The following TMEM144 variants were observed in gnomAD, a reference collection of about 807,000 sequenced individuals.
TMEM144 encodes the protein transmembrane protein 144.
TMEM144 carries 39 observed loss-of-function variants against 43.6 expected under a neutral mutation model. That is an observed-to-expected ratio of 0.90 (90% CI 0.69 to 1.17). TMEM144 has a LOEUF of 1.17. Among genes scored for constraint, TMEM144 ranks in the 50% most tolerant of loss-of-function variants. The pLI is 0.00. For missense variants in TMEM144, 417 were observed against 411.9 expected (o/e 1.01, Z -0.11); for synonymous variants, 154 against 133.6 (o/e 1.15, Z -1.06).
chr4:158,251,708 A>C (rs1278509560), intron 12 of TMEM144, among the ~76,000 whole-genome samples: 1 of 152,202 alleles, frequency 6.6e-6, no homozygotes, highest in African/African-American at 2.4e-5. Context: ...TATTTGGTGT[A>C]AAAATGAGTG....
At chr4:158,215,136 C>T in intron 3 of TMEM144, 55 bp from the exon 4 acceptor site, 1 of 1,608,466 alleles carries the variant, frequency 6.2e-7, no homozygotes, top group Non-Finnish European at 8.5e-7. Context: ...TATTCCTGAG[C>T]ACAAATTTAC....
intron 7 of TMEM144, 87 bp from the exon 8 acceptor site, chr4:158,235,351 G>A: frequency 1.5e-6 from 2 of 1,364,688 alleles, no homozygotes; most frequent in African/African-American, 2.9e-5. Context: ...GTTTGAAAGA[G>A]AAGAGAAAAG....
chr4:158,245,946 A>T (rs554182811), intron 12 of TMEM144, among the ~76,000 whole-genome samples: 1 of 152,152 alleles, frequency 6.6e-6, no homozygotes, highest in East Asian at 1.9e-4. Flanking sequence ...AGAAAAAGAA[A>T]AAAAAAGAAA....
At chr4:158,251,387 A>G (rs1374337473) in intron 12 of TMEM144, among the ~76,000 whole-genome samples, 2 of 152,302 alleles carry the variant, frequency 1.3e-5, no homozygotes, top group East Asian at 3.9e-4. Flanking sequence ...TTCCTCCCAC[A>G]TCAAGCCTTA....
At chr4:158,218,404 T>C (rs567719352) in intron 5 of TMEM144, among the ~76,000 whole-genome samples, 1 of 152,256 alleles carries the variant, frequency 6.6e-6, no homozygotes, top group Non-Finnish European at 1.5e-5. Context: ...CCCTTTCCAC[T>C]CAAAGCATTA....
intron 2 of TMEM144, chr4:158,212,025 A>T (rs925923467): frequency 6.6e-6 from 1 of 152,218 alleles, no homozygotes; most frequent in Non-Finnish European, 1.5e-5. Flanking sequence ...TTTGCAGGAA[A>T]AAAGAAACCA....
chr4:158,212,380 A>C (rs957371864), intron 2 of TMEM144, among the ~76,000 whole-genome samples: 4 of 152,206 alleles, frequency 2.6e-5, no homozygotes, highest in Non-Finnish European at 5.9e-5. Flanking sequence ...AATGTACTAA[A>C]AATTTGTCTT....
chr4:158,214,588 C>G (rs1464119348), intron 3 of TMEM144, among the ~76,000 whole-genome samples: 1 of 152,180 alleles, frequency 6.6e-6, no homozygotes, highest in Non-Finnish European at 1.5e-5. Flanking sequence ...AATGGCAACT[C>G]AAAGTATAGA....
At chr4:158,253,332 G>A (rs73860323) in intron 12 of TMEM144, 112 bp from the exon 13 acceptor site, 10,498 of 818,272 alleles carry the variant, frequency 0.013, 321 homozygotes, top group African/African-American at 0.087. Flanking sequence ...AGCAAAAAAG[G>A]GTACAGGCGG....
rs546522708 is a variant in TMEM144 at position 158,251,740 on chromosome 4, G to T, written c.955-1704G>T. On this transcript the variant is annotated intron_variant, in intron 12 of 12. Coordinates refer to ENST00000296529, the MANE Select transcript of TMEM144 (RefSeq NM_018342.5). Reference sequence around the variant, plus strand: ...AGTGACACCACAGTTCTGAGAAATTGTTACCTTTTTCCAGGAATCTTCATG... The same window carrying T: ...AGTGACACCACAGTTCTGAGAAATTTTTACCTTTTTCCAGGAATCTTCATG... 2.6e-5 allele frequency among the ~76,000 whole-genome samples: 4 copies of T among 151,440 alleles called. No individual in the cohort carries two copies. In the East Asian group the frequency reaches 7.7e-4, roughly 29 times the overall value.
intron 3 of TMEM144, among the ~76,000 whole-genome samples, chr4:158,214,773 C>T (rs931265114): frequency 3.9e-5 from 6 of 152,128 alleles, no homozygotes; most frequent in Non-Finnish European, 7.3e-5. Flanking sequence ...TTCCGAAGCA[C>T]TTACTGCCAT....
At chr4:158,219,275 A>C (rs775539059) in intron 5 of TMEM144, 35 bp from the exon 6 acceptor site, 2 of 1,606,160 alleles carry the variant, frequency 1.2e-6, no homozygotes, top group Admixed American at 3.3e-5. Flanking sequence ...ACATCTTAAC[A>C]ATATTTAATT....
intron 7 of TMEM144, chr4:158,234,600 A>G (rs1387514675): frequency 2.0e-5 from 3 of 152,072 alleles, no homozygotes; most frequent in Non-Finnish European, 4.4e-5. Context: ...CCCCTTATCC[A>G]CAGGGAATAT....
chr4:158,217,165 A>C (rs999354505), intron 4 of TMEM144, among the ~76,000 whole-genome samples, 156 bp from the exon 5 acceptor site: 4 of 152,192 alleles, frequency 2.6e-5, no homozygotes, highest in East Asian at 1.9e-4. Flanking sequence ...AATGCCAAAA[A>C]TGTGGTTATT....
rs551768047 is a variant in TMEM144, at chr4:158,231,535, A to G, written c.414-1366A>G. On this transcript the variant is annotated intron_variant, in intron 6 of 12. Transcript: ENST00000296529. Reference sequence around the variant, plus strand: ...AAATGGTCTAGATTGTGTGGTAACTATTCTTAGTGTTGTGGGGATTCAAAG... The same window carrying G: ...AAATGGTCTAGATTGTGTGGTAACTGTTCTTAGTGTTGTGGGGATTCAAAG... Among the ~76,000 whole-genome samples the G allele has an allele frequency of 1.4e-4, 21 of 152,328 alleles. No individual in the cohort carries two copies. In the South Asian group the frequency reaches 1.9e-3, roughly 14 times the overall value.
At chr4:158,224,654 C>T (rs184687392) in intron 6 of TMEM144, among the ~76,000 whole-genome samples, 3 of 152,258 alleles carry the variant, frequency 2.0e-5, no homozygotes, top group African/African-American at 7.2e-5. Context: ...GAACAGCCTT[C>T]GGTCTGAGGA....
chr4:158,213,116 G>A (rs1734042638), intron 3 of TMEM144: 1 of 339,442 alleles, frequency 2.9e-6, no homozygotes, highest in African/African-American at 2.1e-5. Context: ...AACAATGTAA[G>A]CATAACAGAT....
intron 10 of TMEM144, among the ~76,000 whole-genome samples, chr4:158,240,776 A>G (rs1011767770): frequency 2.0e-5 from 3 of 152,238 alleles, no homozygotes; most frequent in Non-Finnish European, 4.4e-5. Context: ...ATATATCAAC[A>G]AATAGGAATA....
At chr4:158,221,005 A>G in intron 6 of TMEM144, among the ~76,000 whole-genome samples, 1 of 152,198 alleles carries the variant, frequency 6.6e-6, no homozygotes, top group East Asian at 1.9e-4. Flanking sequence ...TTCATGGTCC[A>G]TGTTTCATGC....
Sources: gnomAD v4.1 joint callset for allele counts (sites outside exome capture counted in the v4.1 genomes callset) on GRCh38, gnomAD v4.1.1 for gene constraint, MANE v1.5 for transcripts, NCBI Gene and HGNC (gene_info 2026-07-23, HGNC 2026-07-21) for gene names.